The following MYH10 variants were observed in gnomAD, a reference collection of about 807,000 sequenced individuals.
MYH10 encodes myosin heavy chain 10, also known as myosin-10.
In MYH10, 55 loss-of-function variants were observed where a neutral mutation model predicts 257.8. The observed-to-expected ratio is 0.21, with a 90% CI of 0.17 to 0.27. The LOEUF is 0.27. MYH10 is among the 10% of genes least tolerant of loss of function. The pLI is 1.00. For synonymous variants in MYH10, 854 were observed against 921.7 expected (o/e 0.93, Z 1.33); for missense variants, 1,631 against 2,500.6 (o/e 0.65, Z 7.42).
chr17:8,568,516 C>A (rs544044520), intron 7 of MYH10, among the ~76,000 whole-genome samples: 13 of 152,138 alleles, frequency 8.5e-5, no homozygotes, highest in African/African-American at 3.1e-4. Context: ...CCCAAATTAT[C>A]CATCAATGAA....
chr17:8,584,646 T>C (rs1179570833), intron 4 of MYH10, among the ~76,000 whole-genome samples: 1 of 152,154 alleles, frequency 6.6e-6, no homozygotes, highest in Non-Finnish European at 1.5e-5. Context: ...CTTTAAGAGG[T>C]AATTATCTAG....
intron 14 of MYH10, chr17:8,541,903 G>A (rs989888697): frequency 1.5e-5 from 7 of 481,316 alleles, no homozygotes; most frequent in Non-Finnish European, 2.2e-5. Context: ...AAGCTGCGAG[G>A]AGAGCTAAAG....
intron 9 of MYH10, 84 bp from the exon 10 acceptor site, chr17:8,548,871 T>G: frequency 8.1e-7 from 1 of 1,238,076 alleles, no homozygotes; most frequent in Non-Finnish European, 1.2e-6. Context: ...TGTGCCAGTG[T>G]CACAGGAGAG....
chr17:8,605,018 A>G, intron 2 of MYH10, 36 bp from the exon 3 acceptor site: 1 of 1,171,806 alleles, frequency 8.5e-7, no homozygotes, highest in Non-Finnish European at 1.1e-6. Flanking sequence ...TAAAAAAAAA[A>G]CCTCTGCATT....
chr17:8,542,100 C>T lies in MYH10; in HGVS notation c.1605+7G>A, dbSNP rs1191580567. ...ATGAAAGACAGCGAGCAAGTGAGCA[C>T]TCTTACAGGTCTCTCTATTAGGTCG... On this transcript the variant is annotated splice_region_variant and intron_variant, in intron 14 of 42. Transcript: ENST00000360416. 6.2e-7 allele frequency: 1 copy of T among 1,610,582 alleles called. No individual in the cohort carries two copies. The highest frequency in any genetic ancestry group is 1.7e-5 in the Admixed American group (1 of 59,760).
intron 7 of MYH10, chr17:8,561,208 C>T: frequency 6.6e-6 from 5 of 758,050 alleles, no homozygotes; most frequent in Non-Finnish European, 1.2e-5. Context: ...GGGGCCTCTC[C>T]TCTCCGGTCC....
Position 8,604,815 on chromosome 17 carries a change from T to TGGAAATA in MYH10, c.502+10_502+11insTATTTCC. The TGGAAATA allele has an allele frequency of 6.8e-7, 1 of 1,459,944 alleles. No homozygotes were observed. Among genetic ancestry groups the TGGAAATA allele is most frequent in the Non-Finnish European group, 9.1e-7 (1 of 1,098,868 alleles). The allele number at this position is 1,459,944 out of a possible 1,614,324, so 90.4% of individuals were successfully genotyped here. On this transcript the variant is annotated intron_variant, in intron 3 of 42. Coordinates refer to ENST00000360416, the MANE Select transcript of MYH10 (RefSeq NM_001256012.3). ...ATTCTGAGCATTTAGTATTCAAATA[T>TGGAAATA]TTCCAATTACCTTGAAGCATGCATC...
At chr17:8,561,240 A>G in intron 7 of MYH10, 1 of 877,440 alleles carries the variant, frequency 1.1e-6, no homozygotes, top group South Asian at 1.3e-5. Context: ...ATGACAAAGA[A>G]AAGAAGGAAC....
chr17:8,497,477 T>G (rs567626767), intron 30 of MYH10, among the ~76,000 whole-genome samples: 1 of 152,046 alleles, frequency 6.6e-6, no homozygotes, highest in Non-Finnish European at 1.5e-5. Context: ...CGGTGGCTCA[T>G]GCCTGTAATC....
rs145627850 is a variant in MYH10, at chr17:8,574,909, G to A, written c.663+1734C>T. Among the ~76,000 whole-genome samples the A allele has an allele frequency of 2.1e-3, 316 of 152,352 alleles. 1 individual carries two copies. The highest frequency in any genetic ancestry group is 0.017 in the South Asian group (82 of 4,832). On this transcript the variant is annotated intron_variant, in intron 6 of 42. Transcript: ENST00000360416. ...TACCCTTCCACGGTGTGACCATTCC[G>A]TACGGTGCTGTTAAGTATTTCACGT...
intron 30 of MYH10, 58 bp downstream of exon 30, chr17:8,499,212 T>C: frequency 3.9e-6 from 6 of 1,541,268 alleles, no homozygotes; most frequent in African/African-American, 1.4e-5. Flanking sequence ...AGGGATACAA[T>C]GGTAAATTAG....
chr17:8,511,804 GCCT>G (rs2081306607), intron 24 of MYH10, among the ~76,000 whole-genome samples: 3 of 152,236 alleles, frequency 2.0e-5, no homozygotes, highest in African/African-American at 7.2e-5. Flanking sequence ...TTTCATGTGT[GCCT>G]CCACCTGCTC....
At chr17:8,567,988 T>C (rs1387504373) in intron 7 of MYH10, among the ~76,000 whole-genome samples, 1 of 152,206 alleles carries the variant, frequency 6.6e-6, no homozygotes, top group African/African-American at 2.4e-5. Flanking sequence ...CAGATGTCTG[T>C]GGTCGTCAGT....
rs1431513326 is a variant in MYH10 at position 8,492,890 on chromosome 17, T to C, written c.4344A>G (p.Lys1448=). 6.2e-7 allele frequency: 1 copy of C among 1,614,010 alleles called. No individual in the cohort carries two copies. Among genetic ancestry groups the C allele is most frequent in the African/African-American group, 1.3e-5 (1 of 75,002 alleles). ...GCAGGCGGTTCTTGGTCTTCTCCAGTTTGTCATACGCCAGTGCCTTCTCCT... is the reference window on the plus strand; with the variant it reads ...GCAGGCGGTTCTTGGTCTTCTCCAGCTTGTCATACGCCAGTGCCTTCTCCT... ...RLEEKALAYD[K]LEKTKNRLQQ... The change falls in exon 33 of 43, where the codon AAA becomes AAG. Residue 1448 remains lysine (K), a synonymous_variant. Transcript: ENST00000360416.
intron 14 of MYH10, among the ~76,000 whole-genome samples, chr17:8,537,605 CACA>C (rs1422542468): frequency 1.3e-5 from 2 of 152,152 alleles, no homozygotes; most frequent in Admixed American, 6.5e-5. Flanking sequence ...ACCCTAATCA[CACA>C]ACAACTGTGA....
At chr17:8,544,795 T>G (rs1161901541) in intron 13 of MYH10, among the ~76,000 whole-genome samples, 1 of 152,242 alleles carries the variant, frequency 6.6e-6, no homozygotes, top group African/African-American at 2.4e-5. Flanking sequence ...GTGAAACTTT[T>G]CTGCATTGAT....
rs1390137997 is a variant in MYH10, at chr17:8,495,083, A to G, written c.4056+54T>C. 6.5e-6 allele frequency: 7 copies of G among 1,078,604 alleles called. No homozygotes were observed. In the East Asian group the frequency reaches 1.2e-4, roughly 18 times the overall value. 66.8% of individuals were successfully genotyped at this position (1,078,604 alleles called of 1,614,324 possible). A position where few individuals can be genotyped will look rare whatever the true frequency, so the allele number is the denominator to read the frequency against. The stretch of plus-strand genomic sequence containing the variant: ...TGGGGCCAGCATATTTCACCAGCTT[A>G]TATATTACAGAAATGTTAGTTATTA... On this transcript the variant is annotated intron_variant, in intron 31 of 42. Transcript: ENST00000360416.
Position 8,520,860 on chromosome 17 carries a change from A to C in MYH10, c.2273+18T>G. The C allele has an allele frequency of 6.3e-7, 1 of 1,584,838 alleles. No homozygotes were observed. The highest frequency in any genetic ancestry group is 8.5e-7 in the Non-Finnish European group (1 of 1,169,644). ...TAAACTCTGATACATAAGCAAAAAA[A>C]GTAAAAGTTAGCAATACCTCTGTCT... On this transcript the variant is annotated intron_variant, in intron 19 of 42. Transcript: ENST00000360416.
intron 29 of MYH10, 132 bp from the exon 30 acceptor site, chr17:8,499,608 A>G: frequency 1.3e-6 from 1 of 783,722 alleles, no homozygotes; most frequent in South Asian, 1.7e-5. Context: ...GAATGAATGA[A>G]TGAAAATGTT....
Sources: gnomAD v4.1 joint callset for allele counts (sites outside exome capture counted in the v4.1 genomes callset) on GRCh38, gnomAD v4.1.1 for gene constraint, MANE v1.5 for transcripts, NCBI Gene and HGNC (gene_info 2026-07-23, HGNC 2026-07-21) for gene names.